Variants in TBX1 observed in about 807,000 individuals in gnomAD.
TBX1 encodes the protein T-box transcription factor TBX1.
In TBX1, 16 loss-of-function variants were observed where a neutral mutation model predicts 40.8. The observed-to-expected ratio is 0.39, with a 90% CI of 0.27 to 0.60. The LOEUF is 0.60. Among genes scored for constraint, TBX1 ranks in the 20% least tolerant of loss-of-function variants. The probability of loss-of-function intolerance (pLI) is 0.51; values close to 1 mark genes in which losing one functional copy is unlikely to be tolerated. For missense variants in TBX1, 755 were observed against 728.5 expected, an observed-to-expected ratio of 1.04 and a Z score of -0.42; for synonymous variants, 403 against 336.8, an observed-to-expected ratio of 1.20 and a Z score of -2.15.
At chr22:19,772,106 T>TTTTG (rs1481182713), downstream of TBX1, among the ~76,000 whole-genome samples, 3 of 152,216 alleles carry the variant, frequency 2.0e-5, no homozygotes, top group African/African-American at 7.2e-5. Context: ...TCAACAGTTT[T>TTTTG]TTTGTTTGTT....
chr22:19,760,567 G>A (rs1384564396), upstream of TBX1, among the ~76,000 whole-genome samples: 1 of 139,804 alleles, frequency 7.2e-6, no homozygotes, highest in East Asian at 2.2e-4. Flanking sequence ...GGCGGTCGGG[G>A]GGCCCCGGGC....
At chr22:19,772,379 C>T (rs1244986620) in intron 8 of TBX1, among the ~76,000 whole-genome samples, 1 of 152,064 alleles carries the variant, frequency 6.6e-6, no homozygotes, top group Non-Finnish European at 1.5e-5. Flanking sequence ...GATCATGGCT[C>T]ACTGTAGCCT....
rs749275474 is a variant in TBX1, at chr22:19,766,718, C to T, written c.1366C>T (p.His456Tyr). Residue 456 changes from histidine (H) to tyrosine (Y), a missense_variant, in exon 7 of 7, where the codon CAC becomes TAC. Physicochemically the swap from His to Tyr is moderately conservative, Grantham distance 83. Transcript: ENST00000649276. ...GCCCGGCCTGCGTGGCCACGGCTAC[C>T]ACCCGCACGCGCATCCGCACCACCA... ...PLPGLRGHGY[H>Y]PHAHPHHHHH... The T allele has an allele frequency of 1.3e-6, 2 of 1,542,878 alleles. No individual in the cohort carries two copies. Among genetic ancestry groups the T allele is most frequent in the Non-Finnish European group, 1.7e-6 (2 of 1,154,064 alleles).
At chr22:19,764,607 C>T (rs1936773909) in intron 3 of TBX1, among the ~76,000 whole-genome samples, 1 of 152,352 alleles carries the variant, frequency 6.6e-6, no homozygotes, top group African/African-American at 2.4e-5. Flanking sequence ...TCTCTCACCC[C>T]ACTCCTGATT....
At chr22:19,766,175 G>A in intron 6 of TBX1, 173 bp downstream of exon 6, 3 of 787,940 alleles carry the variant, frequency 3.8e-6, no homozygotes, top group Non-Finnish European at 4.6e-6. Flanking sequence ...CGACGGCTGC[G>A]CCCCGCCCGC....
chr22:19,758,279 G>A (rs900596057), upstream of TBX1, among the ~76,000 whole-genome samples: 13 of 152,210 alleles, frequency 8.5e-5, no homozygotes, highest in Admixed American at 2.6e-4. Flanking sequence ...CTTGCAAACA[G>A]TGGCCCTGAC....
upstream of TBX1, among the ~76,000 whole-genome samples, chr22:19,757,754 C>T (rs1936519576): frequency 6.6e-6 from 1 of 152,212 alleles, no homozygotes; most frequent in Admixed American, 6.5e-5. Flanking sequence ...AGGAAAGGGG[C>T]CTGGAACCAG....
At chr22:19,769,119 C>T (rs955495899), downstream of TBX1, among the ~76,000 whole-genome samples, 10 of 151,996 alleles carry the variant, frequency 6.6e-5, no homozygotes, top group Admixed American at 2.6e-4. Flanking sequence ...TACCACCATG[C>T]CCGGCTAATT....
chr22:19,780,865 C>T (rs188064426), downstream of TBX1, among the ~76,000 whole-genome samples: 215 of 145,478 alleles, frequency 1.5e-3, 3 homozygotes, highest in South Asian at 0.023. Flanking sequence ...TCACTGCAAG[C>T]TCTGCCTCCT....
downstream of TBX1, among the ~76,000 whole-genome samples, chr22:19,779,883 C>T (rs1462964456): frequency 3.3e-5 from 5 of 152,222 alleles, no homozygotes; most frequent in South Asian, 2.1e-4. Flanking sequence ...CCCTGGCTGG[C>T]GGCTCCCAGG....
downstream of TBX1, among the ~76,000 whole-genome samples, chr22:19,780,127 C>T (rs576402897): frequency 3.9e-5 from 6 of 152,344 alleles, no homozygotes; most frequent in East Asian, 5.8e-4. Flanking sequence ...GGAAAATACA[C>T]GTAAATCAAA....
Position 19,766,676 on chromosome 22 carries a change from C to T in TBX1, c.1324C>T (p.Pro442Ser). The change falls in exon 7 of 7, where the codon CCG (proline) becomes TCG (serine). Residue 442 changes from proline (P) to serine (S), a missense_variant. Physicochemically the swap from Pro to Ser is moderately conservative, Grantham distance 74 (BLOSUM62 -1). Around this residue, in one of 3 missense-constraint regions of TBX1, gnomAD observed 412 missense variants for 317.6 expected, o/e 1.30. Transcript: ENST00000649276. ...YDHYLGAKSR[P>S]APYPLPGLRG... ...CCACTATCTCGGGGCCAAGAGCCGG[C>T]CGGCGCCCTACCCGCTGCCCGGCCT... 2.6e-6 allele frequency: 4 copies of T among 1,549,936 alleles called. No homozygotes were observed. The highest frequency in any genetic ancestry group is 1.8e-5 in the Admixed American group (1 of 55,332).
In TBX1 at chr22:19,766,206, G is replaced by C. The variant is rs1263730415; in HGVS notation, c.1037-183G>C. On this transcript the variant is annotated intron_variant, in intron 6 of 6. Coordinates refer to ENST00000649276, the MANE Select transcript of TBX1 (RefSeq NM_001379200.1). ...CCCGCCGCCGCCGCCGCCCGCAGAG[G>C]GGCGCGGGCCCCGGGGAGGGCTCGG... The C allele has an allele frequency of 3.2e-6, 3 of 949,424 alleles. No individual in the cohort carries two copies. The Admixed American group carries it at 1.7e-4, about 53-fold the overall frequency. 58.8% of individuals were successfully genotyped at this position (949,424 alleles called of 1,614,324 possible).
At chr22:19,779,554 C>G, downstream of TBX1, 5 of 1,488,206 alleles carry the variant, frequency 3.4e-6, no homozygotes, top group Non-Finnish European at 4.5e-6. Context: ...AAATACTTCT[C>G]CATAGAGTCA....
Position 19,761,157 on chromosome 22 carries a change from C to T in TBX1, c.314C>T (p.Ala105Val). 4.0e-6 allele frequency: 6 copies of T among 1,505,294 alleles called. No individual in the cohort carries two copies. Among genetic ancestry groups the T allele is most frequent in the Non-Finnish European group, 5.3e-6 (6 of 1,122,294 alleles). The allele number at this position is 1,505,294 out of a possible 1,614,324, so 93.2% of individuals were successfully genotyped here. A position where few individuals can be genotyped will look rare whatever the true frequency, so the allele number is the denominator to read the frequency against. Reference sequence around the variant, plus strand: ...GGCCCCGGGGCCAGCTGCGCGGCCGCAGCCAAGGCGCCGGTGAAGAAGAAC... The same window carrying T: ...GGCCCCGGGGCCAGCTGCGCGGCCGTAGCCAAGGCGCCGGTGAAGAAGAAC... ...PEGPGASCAA[A>V]AKAPVKKNAK... The change falls in exon 1 of 7, where the codon GCA becomes GTA. Residue 105 changes from alanine (A) to valine (V), a missense_variant. Transcript: ENST00000649276.
downstream of TBX1, chr22:19,783,183 A>G (rs41298850): frequency 9.4e-3 from 6,248 of 665,262 alleles, 271 homozygotes; most frequent in African/African-American, 0.1. Flanking sequence ...TAAATTCCCG[A>G]CCCACGGAGC....
At chr22:19,766,033 GGCCCT>G in intron 6 of TBX1, 31 bp downstream of exon 6, 1 of 1,466,444 alleles carries the variant, frequency 6.8e-7, no homozygotes, top group Non-Finnish European at 9.0e-7. Context: ...TCCGGGTTCC[GGCCCT>G]GTGCGCGCTC....
rs541899328 is a variant in TBX1, at chr22:19,761,212, A to G, written c.369A>G (p.Leu123=). ...AGGTGGCCGGTGTGAGCGTGCAGCT[A>G]GAGATGAAGGCGCTGTGGGACGAGT... is the stretch of plus-strand genomic sequence containing the variant. ...NAKVAGVSVQ[L]EMKALWDEFN... is the part of the protein sequence containing the mutation. Residue 123 remains leucine (L), a synonymous_variant, in exon 1 of 7, where the codon CTA becomes CTG. Transcript: ENST00000649276. The G allele has an allele frequency of 7.0e-6, 11 of 1,564,642 alleles. No individual in the cohort carries two copies. Among genetic ancestry groups the G allele is most frequent in the African/African-American group, 5.6e-5 (4 of 71,164 alleles).
chr22:19,764,452 C>T, intron 3 of TBX1, 126 bp downstream of exon 3: 9 of 1,212,026 alleles, frequency 7.4e-6, no homozygotes, highest in Non-Finnish European at 9.6e-6. Context: ...CTGGGCTGTC[C>T]CCGAGGAGGC....
Sources: gnomAD v4.1 joint callset for allele counts (sites outside exome capture counted in the v4.1 genomes callset) on GRCh38, gnomAD v4.1.1 for gene constraint, gnomAD v4.1.1 regional missense constraint, MANE v1.5 for transcripts, NCBI Gene and HGNC (gene_info 2026-07-23, HGNC 2026-07-21) for gene names.